The following EPB42 variants were observed in gnomAD, a reference collection of about 807,000 sequenced individuals.
EPB42 encodes the protein protein 4.2.
A neutral mutation model predicts 76.9 loss-of-function variants in EPB42; 49 were observed. That is an observed-to-expected ratio of 0.64 (90% CI 0.51 to 0.81). EPB42 has a LOEUF of 0.81. Among genes scored for constraint, EPB42 ranks in the 30% least tolerant of loss-of-function variants. The pLI is 0.00. For synonymous variants in EPB42, 310 were observed against 338.4 expected (o/e 0.92, Z 0.92); for missense variants, 731 against 867.6 (o/e 0.84, Z 1.98).
intron 5 of EPB42, among the ~76,000 whole-genome samples, chr15:43,210,018 A>G (rs1298711946): frequency 1.3e-5 from 2 of 152,232 alleles, no homozygotes; most frequent in African/African-American, 4.8e-5. Context: ...AGCCCTGGGT[A>G]AGATGGGCCC....
intron 6 of EPB42, 84 bp downstream of exon 6, chr15:43,209,188 CCT>C (rs1302007179): frequency 1.3e-6 from 2 of 1,515,474 alleles, no homozygotes; most frequent in Admixed American, 3.4e-5. Flanking sequence ...GGAGGCAGCA[CCT>C]GCTTTTGGAG....
At chr15:43,197,875 G>A (rs1343271713) in intron 12 of EPB42, among the ~76,000 whole-genome samples, 1 of 152,172 alleles carries the variant, frequency 6.6e-6, no homozygotes, top group African/African-American at 2.4e-5. Context: ...ATTGAATCAT[G>A]GGGGCTGGTC....
intron 12 of EPB42, 40 bp from the exon 13 acceptor site, chr15:43,197,504 G>A (rs749559286): frequency 1.2e-6 from 2 of 1,611,956 alleles, no homozygotes; most frequent in Non-Finnish European, 1.7e-6. Flanking sequence ...TCTGTCCCAG[G>A]TTCATTGCTC....
chr15:43,210,448 G>T lies in EPB42; in HGVS notation c.550-9C>A. 1.2e-6 allele frequency: 2 copies of T among 1,612,548 alleles called. No individual in the cohort carries two copies. Among genetic ancestry groups the T allele is most frequent in the South Asian group, 1.1e-5 (1 of 91,042 alleles). On this transcript the variant is annotated splice_polypyrimidine_tract_variant and intron_variant, in intron 4 of 12. Coordinates refer to ENST00000441366, the MANE Select transcript of EPB42 (RefSeq NM_001114134.2). ...ATGACATCCCCCTCGAACTGTTAAG[G>T]ATCACACAGGGCCATGATGAAGGGT...
chr15:43,208,688 T>C lies in EPB42; in HGVS notation c.920A>G (p.Tyr307Cys), dbSNP rs779817358. ...GTTCTGAAGTCCCTCCTCATTATAG[T>C]ATTCATCTATGAGAAGACGCCCACC... The part of the protein sequence containing the change: ...GTGGRLLIDE[Y>C]YNEEGLQNGE... The change falls in exon 7 of 13, where the codon TAC becomes TGC. Residue 307 changes from tyrosine to cysteine, a missense_variant. Physicochemically the swap from Tyr to Cys is radical, Grantham distance 194. Coordinates refer to ENST00000441366, the MANE Select transcript of EPB42 (RefSeq NM_001114134.2). The C allele has an allele frequency of 2.5e-6, 4 of 1,613,996 alleles. No individual in the cohort carries two copies. The Admixed American group carries it at 5.0e-5, about 20-fold the overall frequency.
At position 43,206,907 on chromosome 15, in the gene EPB42, GT is replaced by G. The variant is rs2042213272; in HGVS notation, c.1319-279del. Among the ~76,000 whole-genome samples, 2 of 152,156 alleles carry G rather than the reference GT, an allele frequency of 1.3e-5. No homozygotes were observed. The highest frequency in any genetic ancestry group is 4.8e-5 in the African/African-American group (2 of 41,422). On this transcript the variant is annotated intron_variant, in intron 9 of 12. Transcript: ENST00000441366. The surrounding 1 kb of genome is among the most constrained non-coding windows in gnomAD (Gnocchi z 4.7). Reference sequence around the variant, plus strand: ...GATGAGAGAGCAAGGTTGGGGACAAGTCAACACTGTCTCTGAGGACAGTTTT... The same window carrying G: ...GATGAGAGAGCAAGGTTGGGGACAAGCAACACTGTCTCTGAGGACAGTTTT...
At chr15:43,213,460 C>T (rs1420038601) in intron 3 of EPB42, among the ~76,000 whole-genome samples, 1 of 152,212 alleles carries the variant, frequency 6.6e-6, no homozygotes, top group East Asian at 1.9e-4. Flanking sequence ...TCCACCCACA[C>T]TCAGGCAGAG....
chr15:43,202,043 T>G lies in EPB42; in HGVS notation c.1780-66A>C, dbSNP rs1054510105. On this transcript the variant is annotated intron_variant, in intron 11 of 12. Transcript: ENST00000441366. ...CAGCTGCAGTCACTCTCTCCTCCCATGCACCCCTGTACCCTCCTCAGTAAG... is the reference window on the plus strand; with the variant it reads ...CAGCTGCAGTCACTCTCTCCTCCCAGGCACCCCTGTACCCTCCTCAGTAAG... The G allele has an allele frequency of 2.5e-6, 4 of 1,609,320 alleles. No homozygotes were observed. In the African/African-American group the frequency reaches 5.4e-5, roughly 22 times the overall value.
At chr15:43,224,930 T>C (rs2142339990), upstream of EPB42, among the ~76,000 whole-genome samples, 1 of 152,320 alleles carries the variant, frequency 6.6e-6, no homozygotes, top group East Asian at 1.9e-4. Context: ...CATGTGCCAC[T>C]ACATCTGGCT....
chr15:43,222,360 C>T (rs1205353869), upstream of EPB42, among the ~76,000 whole-genome samples: 1 of 152,072 alleles, frequency 6.6e-6, no homozygotes, highest in Non-Finnish European at 1.5e-5. Context: ...ATAGCAACAA[C>T]AACAAAAGGT....
At chr15:43,224,643 T>C (rs914393099), upstream of EPB42, among the ~76,000 whole-genome samples, 5 of 152,264 alleles carry the variant, frequency 3.3e-5, no homozygotes, top group Non-Finnish European at 7.3e-5. Flanking sequence ...TACTAGAAAC[T>C]ACCTAAACAT....
chr15:43,208,900 C>G, intron 6 of EPB42, 125 bp from the exon 7 acceptor site: 1 of 1,165,238 alleles, frequency 8.6e-7, no homozygotes, highest in Non-Finnish European at 1.2e-6. Context: ...AGTGCAGGAA[C>G]CTAGAAGTGG....
At chr15:43,211,351 A>G in intron 4 of EPB42, 65 bp downstream of exon 4, 1 of 1,049,154 alleles carries the variant, frequency 9.5e-7, no homozygotes, top group Non-Finnish European at 1.5e-6. Context: ...AGCTCTGTCT[A>G]GCCTCAACAT....
chr15:43,216,550 C>T (rs2042382390), intron 1 of EPB42, 97 bp from the exon 2 acceptor site: 1 of 1,345,398 alleles, frequency 7.4e-7, no homozygotes, highest in Non-Finnish European at 1.0e-6. Flanking sequence ...GGTTCTAATC[C>T]TCGGCTCCAC....
chr15:43,202,563 C>T (rs930824130), intron 11 of EPB42, among the ~76,000 whole-genome samples: 110 of 152,320 alleles, frequency 7.2e-4, no homozygotes, highest in African/African-American at 2.5e-3. Flanking sequence ...TCTATTAAAG[C>T]ACTTATCTGG....
At chr15:43,212,444 T>C (rs1046287309) in intron 3 of EPB42, among the ~76,000 whole-genome samples, 2 of 151,154 alleles carry the variant, frequency 1.3e-5, no homozygotes, top group South Asian at 4.2e-4. Flanking sequence ...CTATCGTCCC[T>C]GGATAAATTG....
At chr15:43,214,476 C>T (rs777974987) in intron 3 of EPB42, among the ~76,000 whole-genome samples, 15 of 152,114 alleles carry the variant, frequency 9.9e-5, no homozygotes, top group Admixed American at 3.3e-4. Flanking sequence ...CAGAATGAGC[C>T]GGAAGAGAGG....
intron 1 of EPB42, among the ~76,000 whole-genome samples, chr15:43,219,033 C>T (rs2042419492): frequency 6.6e-6 from 1 of 152,190 alleles, no homozygotes; most frequent in African/African-American, 2.4e-5. Flanking sequence ...ATGTGCCCCT[C>T]AAGCAGTTCT....
intron 3 of EPB42, among the ~76,000 whole-genome samples, chr15:43,214,291 G>A (rs1340935814): frequency 1.3e-5 from 2 of 152,160 alleles, no homozygotes; most frequent in African/African-American, 4.8e-5. Flanking sequence ...ATTTCTAGAC[G>A]ACACAGCTCC....
Sources: allele counts gnomAD v4.1 joint callset (sites outside exome capture counted in the v4.1 genomes callset), GRCh38; gene constraint gnomAD v4.1.1; non-coding constraint Gnocchi (gnomAD v3.1); transcripts MANE v1.5; gene names NCBI Gene and HGNC (gene_info 2026-07-23, HGNC 2026-07-21).